ORC3: variants seen among roughly 807,000 people sequenced by gnomAD.
The protein encoded by ORC3 is origin recognition complex subunit 3.
In ORC3, 78 loss-of-function variants were observed where a neutral mutation model predicts 100.7. The ratio of observed to expected loss-of-function variants is 0.77; its 90% CI spans 0.65 to 0.94. ORC3 has a LOEUF of 0.94. Among genes scored for constraint, ORC3 ranks in the 40% least tolerant of loss-of-function variants. ORC3 has a pLI of 0.00. For synonymous variants in ORC3, 295 were observed against 289.3 expected (o/e 1.02, Z -0.20); for missense variants, 789 against 823.9 (o/e 0.96, Z 0.52).
intron 9 of ORC3, 34 bp from the exon 10 acceptor site, chr6:87,621,320 T>A (rs759819441): frequency 6.9e-7 from 1 of 1,449,428 alleles, no homozygotes; most frequent in Non-Finnish European, 9.1e-7. Flanking sequence ...TGCCAAAATA[T>A]AACAAATATG....
intron 11 of ORC3, among the ~76,000 whole-genome samples, chr6:87,624,383 C>T (rs1486148623): frequency 6.6e-6 from 1 of 152,108 alleles, no homozygotes; most frequent in South Asian, 2.1e-4. Context: ...ACTCCAGAGG[C>T]TGAGGCAGGA....
chr6:87,659,017 T>TG (rs1201770464), intron 16 of ORC3, among the ~76,000 whole-genome samples: 3 of 10,544 alleles, frequency 2.8e-4, no homozygotes, highest in African/African-American at 1.1e-3. Flanking sequence ...ACCTAAAAAG[T>TG]GGGGCGGGGG....
At chr6:87,648,145 G>A (rs765597318) in intron 13 of ORC3, among the ~76,000 whole-genome samples, 48 of 152,116 alleles carry the variant, frequency 3.2e-4, no homozygotes, top group Non-Finnish European at 5.9e-4. Context: ...AGGTTGTAGT[G>A]AGCAGAGACT....
chr6:87,654,738 C>T (rs1355107695), intron 14 of ORC3, among the ~76,000 whole-genome samples: 1 of 152,162 alleles, frequency 6.6e-6, no homozygotes, highest in Non-Finnish European at 1.5e-5. Context: ...CAGTCTTTTA[C>T]AAAATGGGAC....
rs200067803 is a variant in ORC3, at chr6:87,622,536, GA to G, written c.1185+524del. 2.0e-4 allele frequency among the ~76,000 whole-genome samples: 30 copies of G among 152,118 alleles called. No individual in the cohort carries two copies. In the East Asian group the frequency reaches 3.9e-3, roughly 20 times the overall value. On this transcript the variant is annotated intron_variant, in intron 11 of 19. Transcript: ENST00000392844. The stretch of plus-strand genomic sequence containing the variant: ...ACAACATAAGGAATATCAAAAGAAG[GA>G]GGGCTTCTTTCTTGAATAAATAATA...
At chr6:87,639,809 CT>C (rs1420203304) in intron 13 of ORC3, among the ~76,000 whole-genome samples, 2 of 144,472 alleles carry the variant, frequency 1.4e-5, no homozygotes, top group East Asian at 2.0e-4. Context: ...GTGAAACCCC[CT>C]CTCTGCCAAA....
chr6:87,645,595 A>C (rs1768699618), intron 13 of ORC3, among the ~76,000 whole-genome samples: 1 of 152,170 alleles, frequency 6.6e-6, no homozygotes, highest in African/African-American at 2.4e-5. Context: ...GTATTTTTCA[A>C]AACTAGCTGG....
the ORC3 span, chr6:87,676,008 A>T: frequency 8.3e-7 from 1 of 1,200,506 alleles, no homozygotes; most frequent in Admixed American, 2.0e-5. Flanking sequence ...CACAAAATAT[A>T]CAGTAAAACA....
At chr6:87,628,534 G>A (rs558779120) in intron 11 of ORC3, among the ~76,000 whole-genome samples, 7 of 152,272 alleles carry the variant, frequency 4.6e-5, no homozygotes, top group Admixed American at 3.3e-4. Flanking sequence ...AATGTTTCAC[G>A]TCTTTATACC....
intron 3 of ORC3, 122 bp downstream of exon 3, chr6:87,602,003 G>C (rs1777941548): frequency 1.5e-6 from 1 of 662,548 alleles, no homozygotes; most frequent in East Asian, 2.8e-5. Flanking sequence ...GTCAAGCATA[G>C]CCTGTATATC....
intron 2 of ORC3, 53 bp downstream of exon 2, chr6:87,594,460 G>GAACT: frequency 6.9e-7 from 1 of 1,459,072 alleles, no homozygotes; most frequent in South Asian, 1.4e-5. Flanking sequence ...AAACTATTAG[G>GAACT]AACTAACCCT....
intron 13 of ORC3, among the ~76,000 whole-genome samples, chr6:87,645,459 T>A (rs970994108): frequency 6.6e-6 from 1 of 152,274 alleles, no homozygotes; most frequent in African/African-American, 2.4e-5. Flanking sequence ...GACAATTTCT[T>A]ATTTTTACAT....
Position 87,599,158 on chromosome 6 carries a change from A to G in ORC3, c.80-2626A>G, listed in dbSNP as rs115863309. Among the ~76,000 whole-genome samples, 768 of 152,320 alleles carry G rather than the reference A, an allele frequency of 5.0e-3. 11 individuals carry two copies. The highest frequency in any genetic ancestry group is 0.018 in the African/African-American group (741 of 41,568). On this transcript the variant is annotated intron_variant, in intron 2 of 19. Transcript: ENST00000392844. ...CTGAGAGAAGTCATGGTAACAGTTT[A>G]AAGTATCCTACTGCTGTGTTTCCCA... is the stretch of plus-strand genomic sequence containing the variant.
chr6:87,611,341 A>G (rs1468899844), intron 7 of ORC3, among the ~76,000 whole-genome samples: 1 of 152,158 alleles, frequency 6.6e-6, no homozygotes, highest in Non-Finnish European at 1.5e-5. Context: ...ACATAGTACA[A>G]AATAGTGACA....
chr6:87,592,243 G>A (rs113079603), intron 1 of ORC3, among the ~76,000 whole-genome samples: 6 of 152,282 alleles, frequency 3.9e-5, no homozygotes, highest in East Asian at 1.9e-4. Context: ...GGTGGATTTG[G>A]AAAGGAGGTA....
intron 9 of ORC3, among the ~76,000 whole-genome samples, chr6:87,618,596 A>G (rs994823355): frequency 6.6e-6 from 1 of 152,206 alleles, no homozygotes; most frequent in African/African-American, 2.4e-5. Flanking sequence ...TTTCAGGCAA[A>G]AGCAACAGTA....
chr6:87,603,473 A>G lies in ORC3; in HGVS notation c.267A>G (p.Arg89=). 6.5e-7 allele frequency: 1 copy of G among 1,535,416 alleles called. No individual in the cohort carries two copies. The highest frequency in any genetic ancestry group is 2.3e-5 in the East Asian group (1 of 44,246). The part of the protein sequence containing the change: ...KSHSGFQKNS[R]DLGGQIKLRE... ...ATTCTGGATTCCAGAAGAATTCAAG[A>G]GACTTGGGCGGTCAAATAAAACTCA... The change falls in exon 4 of 20, where the codon AGA becomes AGG. Residue 89 remains arginine (R), a synonymous_variant. Coordinates refer to ENST00000392844, the MANE Select transcript of ORC3 (RefSeq NM_012381.4).
chr6:87,674,325 A>AT, the ORC3 span, among the ~76,000 whole-genome samples: 1 of 149,662 alleles, frequency 6.7e-6, no homozygotes, highest in African/African-American at 2.5e-5. Flanking sequence ...AAAAAAAAAA[A>AT]TTCCTTTTTC....
chr6:87,591,854 C>T (rs1313199035), intron 1 of ORC3, among the ~76,000 whole-genome samples: 1 of 152,118 alleles, frequency 6.6e-6, no homozygotes, highest in East Asian at 1.9e-4. Flanking sequence ...ACCTCAGCCT[C>T]CCGGGCAGTT....
Sources: gnomAD v4.1 joint callset for allele counts (sites outside exome capture counted in the v4.1 genomes callset) on GRCh38, gnomAD v4.1.1 for gene constraint, MANE v1.5 for transcripts, NCBI Gene and HGNC (gene_info 2026-07-23, HGNC 2026-07-21) for gene names.